NUP62: variants seen among roughly 807,000 people sequenced by gnomAD.
NUP62 encodes nuclear pore glycoprotein p62.
For missense variants in NUP62, 647 were observed against 689.4 expected (o/e 0.94, Z 0.69); for synonymous variants, 305 against 303.4 (o/e 1.01, Z -0.05).
intron 2 of NUP62, among the ~76,000 whole-genome samples, chr19:49,925,101 A>G (rs1300121878): frequency 1.3e-5 from 2 of 151,982 alleles, no homozygotes; most frequent in African/African-American, 4.8e-5. Context: ...GTCTCTACTA[A>G]AAATACAAAA....
chr19:49,914,918 T>G (rs1045485902), intron 2 of NUP62, among the ~76,000 whole-genome samples: 24 of 151,684 alleles, frequency 1.6e-4, no homozygotes, highest in Admixed American at 1.1e-3. Context: ...TTTTGTATTT[T>G]TAGTAGAGAC....
chr19:49,920,144 G>A (rs994906610), intron 2 of NUP62, among the ~76,000 whole-genome samples: 3 of 151,842 alleles, frequency 2.0e-5, no homozygotes, highest in Admixed American at 6.6e-5. Context: ...GTGCAGTGGC[G>A]TGATCTCAGC....
At chr19:49,926,710 G>A (rs1214364459) in intron 2 of NUP62, among the ~76,000 whole-genome samples, 1 of 152,126 alleles carries the variant, frequency 6.6e-6, no homozygotes, top group Middle Eastern at 3.2e-3. Flanking sequence ...AATCTATACA[G>A]CAATGGAATG....
rs140541610 is a variant in NUP62, at chr19:49,909,620, G to A, written c.188C>T (p.Ala63Val). 3.8e-5 allele frequency: 61 copies of A among 1,614,096 alleles called. No individual in the cohort carries two copies. Among genetic ancestry groups the A allele is most frequent in the Admixed American group, 2.2e-4 (13 of 59,998 alleles). Reference sequence around the variant, plus strand: ...CGTCTGTGTGGCCGGAGTCTGGGTGGCAAGTGAGAACAGGCCGGTGGAAGG... The same window carrying A: ...CGTCTGTGTGGCCGGAGTCTGGGTGACAAGTGAGAACAGGCCGGTGGAAGG... ...STPSTGLFSL[A>V]TQTPATQTTG... The change falls in exon 3 of 3, where the codon GCC becomes GTC. Residue 63 changes from alanine to valine, a missense_variant. Ala to Val is a moderately conservative substitution (Grantham distance 64). Transcript: ENST00000352066.
Position 49,910,029 on chromosome 19 carries a change from A to C in NUP62, c.-77-145T>G. On this transcript the variant is annotated intron_variant, in intron 2 of 2. Coordinates refer to ENST00000352066, the MANE Select transcript of NUP62 (RefSeq NM_016553.5). ...CTAAACTAGGCTCTGCTACATCGAG[A>C]AGGATCCAGAAGCACAAAAGCACGC... 4 of 622,752 alleles carry C rather than the reference A, an allele frequency of 6.4e-6. No individual in the cohort carries two copies. The South Asian group carries it at 7.2e-5, about 11-fold the overall frequency. The allele number at this position is 622,752 out of a possible 1,614,324, so 38.6% of individuals were successfully genotyped here.
At chr19:49,925,431 A>G (rs2075863201) in intron 2 of NUP62, among the ~76,000 whole-genome samples, 1 of 140,212 alleles carries the variant, frequency 7.1e-6, no homozygotes, top group Admixed American at 7.5e-5. Context: ...CCTCCCCCCC[A>G]TCTCTACTAA....
chr19:49,925,090 C>T (rs957384314), intron 2 of NUP62, among the ~76,000 whole-genome samples: 7 of 151,792 alleles, frequency 4.6e-5, no homozygotes, highest in East Asian at 1.9e-4. Flanking sequence ...GGAGAAACCC[C>T]GTCTCTACTA....
intron 2 of NUP62, among the ~76,000 whole-genome samples, chr19:49,927,230 A>T (rs116748042): frequency 1.3e-5 from 2 of 152,110 alleles, no homozygotes; most frequent in African/African-American, 4.8e-5. Context: ...GGAAATGGCC[A>T]GGGTCACACA....
At chr19:49,915,630 C>G (rs1380401347) in intron 2 of NUP62, among the ~76,000 whole-genome samples, 1 of 152,190 alleles carries the variant, frequency 6.6e-6, no homozygotes, top group African/African-American at 2.4e-5. Flanking sequence ...GGAGAAAGAA[C>G]AGAATGAAAT....
In NUP62 at chr19:49,909,869, A is replaced by C; in HGVS notation, c.-62T>G. On this transcript the variant is annotated 5_prime_UTR_variant, in exon 3 of 3. Coordinates refer to ENST00000352066, the MANE Select transcript of NUP62 (RefSeq NM_016553.5). ...CCAAAGCAAATCCGTCGGTGTCTGC[A>C]GCCTTGGGAAGATTTCTAAAGCAGA... is the stretch of plus-strand genomic sequence containing the variant. 6.4e-7 allele frequency: 1 copy of C among 1,551,748 alleles called. No individual in the cohort carries two copies. Among genetic ancestry groups the C allele is most frequent in the Non-Finnish European group, 8.9e-7 (1 of 1,128,220 alleles).
At chr19:49,923,879 C>T (rs555159662) in intron 2 of NUP62, among the ~76,000 whole-genome samples, 64 of 152,290 alleles carry the variant, frequency 4.2e-4, no homozygotes, top group African/African-American at 1.5e-3. Flanking sequence ...AGCCGAGGCT[C>T]GGCAGATGAG....
chr19:49,918,895 T>TGGGGGGGGGGGGG (rs56129490), intron 2 of NUP62, among the ~76,000 whole-genome samples: 95 of 72,328 alleles, frequency 1.3e-3, no homozygotes, highest in Admixed American at 1.7e-3. Context: ...TTTGGGAGGC[T>TGGGGGGGGGGGGG]GGGGGGGGGG....
In NUP62 at chr19:49,908,883, C is replaced by T; in HGVS notation, c.925G>A (p.Ala309Thr). The change falls in exon 3 of 3, where the codon GCC (alanine) becomes ACC (threonine). Residue 309 changes from alanine (A) to threonine (T), a missense_variant. Transcript: ENST00000352066. ...PAGIPSNTAA[A>T]VTAPPGPGAA... is the part of the protein sequence containing the mutation. Reference sequence around the variant, plus strand: ...CCAGGGCCAGGTGGAGCGGTCACGGCAGCTGCTGTATTGCTGGGGATCCCG... The same window carrying T: ...CCAGGGCCAGGTGGAGCGGTCACGGTAGCTGCTGTATTGCTGGGGATCCCG... 1 of 1,610,344 alleles carries T rather than the reference C, an allele frequency of 6.2e-7. No homozygotes were observed. Among genetic ancestry groups the T allele is most frequent in the East Asian group, 2.2e-5 (1 of 44,874 alleles).
intron 2 of NUP62, among the ~76,000 whole-genome samples, chr19:49,917,106 G>A (rs1568713659): frequency 1.3e-5 from 2 of 152,336 alleles, no homozygotes; most frequent in South Asian, 2.1e-4. Context: ...AAGTATGACC[G>A]GTGGAACCAG....
At chr19:49,915,404 A>G (rs2075598300) in intron 2 of NUP62, among the ~76,000 whole-genome samples, 1 of 152,212 alleles carries the variant, frequency 6.6e-6, no homozygotes, top group African/African-American at 2.4e-5. Context: ...TGAGGGGGCC[A>G]CAAGCCAAGG....
In NUP62 at chr19:49,908,960, C is replaced by G. The variant is rs1062798; in HGVS notation, c.848G>C (p.Ser283Thr). The stretch of plus-strand genomic sequence containing the variant: ...GGCAAAGCCGGTGGTGCTGCTGCTG[C>G]TGGTGGTGGTGGCGGTGGCGGTGGC... ...TAATATATTTSSSSTTGFALN... is the reference protein window; with the variant it reads ...TAATATATTTTSSSTTGFALN... The change falls in exon 3 of 3, where the codon AGC becomes ACC. Residue 283 changes from serine (S) to threonine (T), a missense_variant. Coordinates refer to ENST00000352066, the MANE Select transcript of NUP62 (RefSeq NM_016553.5). 586,300 of 1,605,456 alleles carry G rather than the reference C, an allele frequency of 0.37. 108,898 individuals are homozygous for G. Among genetic ancestry groups the G allele is most frequent in the East Asian group, 0.41 (18,500 of 44,712 alleles).
rs1288781059 is a variant in NUP62 at position 49,907,091 on chromosome 19, A to C, written c.*1148T>G. ...GGGCTTCATTGTTCTTTCATTTAAC[A>C]AATGTGACAGGGACCGGGCTGGGGA... On this transcript the variant is annotated 3_prime_UTR_variant, in exon 3 of 3. Transcript: ENST00000352066. The C allele has an allele frequency of 6.4e-6, 1 of 156,512 alleles. No individual in the cohort carries two copies. The highest frequency in any genetic ancestry group is 2.4e-5 in the African/African-American group (1 of 41,456). 9.7% of individuals were successfully genotyped at this position (156,512 alleles called of 1,614,324 possible).
At chr19:49,915,371 C>T (rs991885016) in intron 2 of NUP62, among the ~76,000 whole-genome samples, 4 of 152,154 alleles carry the variant, frequency 2.6e-5, no homozygotes, top group African/African-American at 9.7e-5. Context: ...GACTGAGAGA[C>T]ACTGTGCTGC....
intron 2 of NUP62, among the ~76,000 whole-genome samples, chr19:49,926,069 C>G (rs1190809542): frequency 6.6e-6 from 1 of 151,814 alleles, no homozygotes; most frequent in Non-Finnish European, 1.5e-5. Flanking sequence ...ATTAGCCAGG[C>G]ATGATGGTGC....
Sources: allele counts gnomAD v4.1 joint callset (sites outside exome capture counted in the v4.1 genomes callset), GRCh38; gene constraint gnomAD v4.1.1; transcripts MANE v1.5; gene names NCBI Gene and HGNC (gene_info 2026-07-23, HGNC 2026-07-21).